The following LHFPL3 variants were observed in gnomAD, a reference collection of about 807,000 sequenced individuals.
LHFPL3 encodes LHFPL tetraspan subfamily member 3 protein.
A neutral mutation model predicts 19.3 loss-of-function variants in LHFPL3; 5 were observed. That is an observed-to-expected ratio of 0.26 (90% CI 0.14 to 0.54). The LOEUF is 0.54. Ranked by LOEUF, LHFPL3 falls within the 20% of genes least tolerant of loss-of-function variation. The pLI, the probability that LHFPL3 is intolerant of heterozygous loss-of-function variation, is 0.94. For synonymous variants in LHFPL3, 133 were observed against 126.2 expected, an observed-to-expected ratio of 1.05 and a Z score of -0.36; for missense variants, 249 against 307.4, an observed-to-expected ratio of 0.81 and a Z score of 1.42.
intron 1 of LHFPL3, among the ~76,000 whole-genome samples, chr7:104,671,785 A>C (rs529535915): frequency 4.5e-4 from 69 of 152,298 alleles, no homozygotes; most frequent in African/African-American, 1.6e-3. Context: ...GTATTGAAAC[A>C]GTTACTTTCC....
chr7:104,549,311 T>C (rs926128060), intron 1 of LHFPL3, among the ~76,000 whole-genome samples: 37 of 152,054 alleles, frequency 2.4e-4, no homozygotes, highest in Middle Eastern at 3.2e-3. Flanking sequence ...AATATATATA[T>C]ATATATATCA....
At chr7:104,621,781 G>A (rs1313774956) in intron 1 of LHFPL3, among the ~76,000 whole-genome samples, 1 of 152,112 alleles carries the variant, frequency 6.6e-6, no homozygotes, top group Non-Finnish European at 1.5e-5. Flanking sequence ...AGGAAGAAGG[G>A]CAGGAAGAGA....
intron 1 of LHFPL3, among the ~76,000 whole-genome samples, chr7:104,569,707 T>C (rs907717080): frequency 6.6e-6 from 1 of 152,216 alleles, no homozygotes; most frequent in African/African-American, 2.4e-5. Context: ...TGGTGGCTAT[T>C]ATGTCATTTA....
Position 104,479,082 on chromosome 7 carries a change from C to T in LHFPL3, c.445+149858C>T, listed in dbSNP as rs75949750. On this transcript the variant is annotated intron_variant, in intron 1 of 2. Transcript: ENST00000424859. ...CTGGGGTTGACTGAGGCTGGGGTGG[C>T]TGTTATCTCTAGCTCATGTGGTGGG... is the stretch of plus-strand genomic sequence containing the variant. Among the ~76,000 whole-genome samples, 398 of 152,216 alleles carry T rather than the reference C, an allele frequency of 2.6e-3. 14 individuals carry two copies. The East Asian group carries it at 0.072, about 27-fold the overall frequency.
At chr7:104,537,666 A>C (rs1224772625) in intron 1 of LHFPL3, among the ~76,000 whole-genome samples, 2 of 152,212 alleles carry the variant, frequency 1.3e-5, no homozygotes, top group African/African-American at 4.8e-5. Flanking sequence ...TTTGATTAGC[A>C]TGGATAAAGT....
chr7:104,534,805 A>G (rs1267113393), intron 1 of LHFPL3, among the ~76,000 whole-genome samples: 1 of 152,196 alleles, frequency 6.6e-6, no homozygotes, highest in Non-Finnish European at 1.5e-5. Context: ...TTACTTTAGA[A>G]ATTCATCCCT....
chr7:104,693,968 A>G (rs1792953303), intron 1 of LHFPL3, among the ~76,000 whole-genome samples: 1 of 152,104 alleles, frequency 6.6e-6, no homozygotes, highest in Non-Finnish European at 1.5e-5. Context: ...AGTCTCGGGT[A>G]TTTCTTCATA....
intron 1 of LHFPL3, among the ~76,000 whole-genome samples, chr7:104,659,751 TCAAA>T (rs1440110327): frequency 6.6e-6 from 1 of 152,146 alleles, no homozygotes; most frequent in African/African-American, 2.4e-5. Flanking sequence ...ACCTTCCTGA[TCAAA>T]CAGTGAAATC....
At chr7:104,587,086 T>G (rs910823596) in intron 1 of LHFPL3, among the ~76,000 whole-genome samples, 3 of 152,074 alleles carry the variant, frequency 2.0e-5, no homozygotes, top group Admixed American at 2.0e-4. Context: ...CATTCATTCA[T>G]TTAGCCTGTT....
intron 2 of LHFPL3, among the ~76,000 whole-genome samples, chr7:104,903,166 G>A (rs184174899): frequency 1.3e-5 from 2 of 152,052 alleles, no homozygotes; most frequent in Admixed American, 6.6e-5. Flanking sequence ...CCCTGACTGG[G>A]ATGCAGCCTT....
At chr7:104,559,996 A>G (rs1484964580) in intron 1 of LHFPL3, among the ~76,000 whole-genome samples, 1 of 149,972 alleles carries the variant, frequency 6.7e-6, no homozygotes, top group South Asian at 2.1e-4. Flanking sequence ...TGATTTGCGT[A>G]TATTGAACCA....
At chr7:104,529,374 A>T (rs1455529679) in intron 1 of LHFPL3, among the ~76,000 whole-genome samples, 1 of 152,088 alleles carries the variant, frequency 6.6e-6, no homozygotes, top group Non-Finnish European at 1.5e-5. Context: ...ACGAGGAATT[A>T]TTTCCAGTTC....
intron 1 of LHFPL3, among the ~76,000 whole-genome samples, chr7:104,353,014 G>A (rs1177469948): frequency 3.9e-5 from 6 of 152,210 alleles, no homozygotes; most frequent in Non-Finnish European, 8.8e-5. Flanking sequence ...CCGGAAAGGC[G>A]ATTATCCCTC....
chr7:104,430,384 A>ATGTATATATATATATACGTG (rs1491565896), intron 1 of LHFPL3, among the ~76,000 whole-genome samples: 1 of 36,066 alleles, frequency 2.8e-5, no homozygotes, highest in African/African-American at 2.0e-4. Flanking sequence ...ATATATATAC[A>ATGTATATATATATATACGTG]TATATATATA....
At chr7:104,769,522 A>G (rs1340541399) in intron 2 of LHFPL3, among the ~76,000 whole-genome samples, 2 of 152,158 alleles carry the variant, frequency 1.3e-5, no homozygotes, top group South Asian at 2.1e-4. Flanking sequence ...GGTTTGTTAC[A>G]TAGGTATACA....
At chr7:104,840,217 A>G (rs1363734451) in intron 2 of LHFPL3, among the ~76,000 whole-genome samples, 1 of 151,082 alleles carries the variant, frequency 6.6e-6, no homozygotes, top group Non-Finnish European at 1.5e-5. Flanking sequence ...TTACAATACT[A>G]TCTTGTATTC....
At chr7:104,818,174 G>A (rs976610893) in intron 2 of LHFPL3, among the ~76,000 whole-genome samples, 1 of 152,148 alleles carries the variant, frequency 6.6e-6, no homozygotes, top group African/African-American at 2.4e-5. Context: ...GTACTTAAAT[G>A]CTTCAGAGAA....
intron 2 of LHFPL3, among the ~76,000 whole-genome samples, chr7:104,875,593 T>C (rs1008519800): frequency 6.6e-6 from 1 of 152,192 alleles, no homozygotes; most frequent in Non-Finnish European, 1.5e-5. Context: ...GTCTTAGAAA[T>C]GTTCAATGGC....
intron 1 of LHFPL3, among the ~76,000 whole-genome samples, chr7:104,615,163 G>A (rs1306883014): frequency 6.6e-6 from 1 of 152,092 alleles, no homozygotes; most frequent in African/African-American, 2.4e-5. Flanking sequence ...ATATGAGCTG[G>A]CTCAAAATAA....
Sources: gnomAD v4.1 joint callset for allele counts (sites outside exome capture counted in the v4.1 genomes callset) on GRCh38, gnomAD v4.1.1 for gene constraint, MANE v1.5 for transcripts, NCBI Gene and HGNC (gene_info 2026-07-23, HGNC 2026-07-21) for gene names.